Variants in CWF19L2 observed in about 807,000 individuals in gnomAD.
CWF19L2 encodes CWF19 like cell cycle control factor 2, also known as CWF19-like protein 2.
Under a neutral mutation model 111.7 loss-of-function variants are expected in CWF19L2, and 98 were observed. The ratio of observed to expected loss-of-function variants is 0.88; its 90% CI spans 0.75 to 1.04. The LOEUF (loss-of-function observed/expected upper bound fraction) is 1.04. CWF19L2 is among the 50% of genes least tolerant of loss of function. The probability of loss-of-function intolerance (pLI) is 0.00; values close to 1 mark genes in which losing one functional copy is unlikely to be tolerated. For missense variants in CWF19L2, 1,101 were observed against 1,051.4 expected, an observed-to-expected ratio of 1.05 and a Z score of -0.65; for synonymous variants, 351 against 342.9, an observed-to-expected ratio of 1.02 and a Z score of -0.26.
chr11:107,333,402 T>C (rs1859878273), intron 16 of CWF19L2, among the ~76,000 whole-genome samples: 1 of 152,212 alleles, frequency 6.6e-6, no homozygotes, highest in African/African-American at 2.4e-5. Flanking sequence ...ATACACAGTA[T>C]AGAAAACGGG....
intron 13 of CWF19L2, 97 bp from the exon 14 acceptor site, chr11:107,349,150 C>T: frequency 4.4e-6 from 2 of 456,818 alleles, no homozygotes; most frequent in Non-Finnish European, 7.6e-6. Flanking sequence ...AACAGATGAG[C>T]CCCTAGTAGA....
In CWF19L2 at chr11:107,423,691, G is replaced by A. The variant is rs1055547782; in HGVS notation, c.1433+5108C>T. Among the ~76,000 whole-genome samples the A allele has an allele frequency of 2.6e-5, 4 of 151,836 alleles. No individual in the cohort carries two copies. In the Admixed American group the frequency reaches 2.6e-4, roughly 10 times the overall value. ...TACAATCCTTTCTGTTATTCCAATAGATGCTTACTATAAACCAGATGTAGA... is the reference window on the plus strand; with the variant it reads ...TACAATCCTTTCTGTTATTCCAATAAATGCTTACTATAAACCAGATGTAGA... On this transcript the variant is annotated intron_variant, in intron 8 of 17. Coordinates refer to ENST00000282251, the MANE Select transcript of CWF19L2 (RefSeq NM_152434.3).
intron 13 of CWF19L2, among the ~76,000 whole-genome samples, chr11:107,350,557 C>A (rs1481724395): frequency 6.6e-6 from 1 of 152,130 alleles, no homozygotes; most frequent in East Asian, 1.9e-4. Context: ...AATCTGCTAG[C>A]ACCGATCTTG....
intron 14 of CWF19L2, chr11:107,345,595 T>A: frequency 2.7e-6 from 1 of 368,194 alleles, no homozygotes; most frequent in Non-Finnish European, 5.3e-6. Context: ...TTATAAAATA[T>A]ATAAACCTCA....
chr11:107,330,321 A>G (rs1431838064), intron 16 of CWF19L2, among the ~76,000 whole-genome samples: 1 of 152,166 alleles, frequency 6.6e-6, no homozygotes, highest in Non-Finnish European at 1.5e-5. Context: ...ATACAAATGC[A>G]AAGAATAATT....
At chr11:107,355,670 A>G (rs971503325) in intron 12 of CWF19L2, among the ~76,000 whole-genome samples, 15 of 152,180 alleles carry the variant, frequency 9.9e-5, no homozygotes, top group African/African-American at 3.6e-4. Context: ...AGTTGAAAAG[A>G]AAAATTTTAA....
At position 107,428,823 on chromosome 11, in the gene CWF19L2, C is replaced by T. The variant is rs576679420; in HGVS notation, c.1409G>A (p.Arg470Gln). 1.9e-5 allele frequency: 31 copies of T among 1,611,458 alleles called. 1 individual carries two copies. In the South Asian group the frequency reaches 2.5e-4, roughly 13 times the overall value. The change falls in exon 8 of 18, where the codon CGG becomes CAG. Residue 470 changes from arginine to glutamine, a missense_variant. Arg to Gln is a conservative substitution (Grantham distance 43, BLOSUM62 1). Transcript: ENST00000282251. ...RDDPPKKEHLRDTKSTFAGSP... is the reference protein window; with the variant it reads ...RDDPPKKEHLQDTKSTFAGSP... ...CCCAGCAAATGTAGACTTTGTATCC[C>T]GTAGATGTTCTTTTTTTGGAGGGTC...
At chr11:107,389,689 C>G (rs1264757047) in intron 12 of CWF19L2, among the ~76,000 whole-genome samples, 4 of 152,160 alleles carry the variant, frequency 2.6e-5, no homozygotes, top group Admixed American at 2.6e-4. Flanking sequence ...ATATTTTCTT[C>G]TACCTCTTCA....
intron 4 of CWF19L2, 42 bp downstream of exon 4, chr11:107,442,897 G>GAAGAAAGC: frequency 8.0e-7 from 1 of 1,249,534 alleles, no homozygotes; most frequent in South Asian, 1.3e-5. Context: ...AGGAAGGAAG[G>GAAGAAAGC]AAGGAAGAAA....
Position 107,428,943 on chromosome 11 carries a change from T to C in CWF19L2, c.1289A>G (p.His430Arg). The C allele has an allele frequency of 6.2e-7, 1 of 1,613,798 alleles. No homozygotes were observed. Among genetic ancestry groups the C allele is most frequent in the East Asian group, 2.2e-5 (1 of 44,856 alleles). Residue 430 changes from histidine to arginine, a missense_variant, in exon 8 of 18, where the codon CAT (histidine) becomes CGT (arginine). His to Arg is a conservative substitution (Grantham distance 29). Coordinates refer to ENST00000282251, the MANE Select transcript of CWF19L2 (RefSeq NM_152434.3). ...SRSDGRGDKK[H>R]SNQKPSETST... is the part of the protein sequence containing the mutation. Reference sequence around the variant, plus strand: ...GGTTTCCGATGGCTTTTGATTTGAATGTTTCTTGTCTCCTCTCCCATCAGA... The same window carrying C: ...GGTTTCCGATGGCTTTTGATTTGAACGTTTCTTGTCTCCTCTCCCATCAGA...
At position 107,380,916 on chromosome 11, in the gene CWF19L2, T is replaced by TTTTGAA. The variant is rs1463597918; in HGVS notation, c.1872+9157_1872+9158insTTCAAA. Among the ~76,000 whole-genome samples the TTTTGAA allele has an allele frequency of 4.4e-4, 67 of 152,304 alleles. 1 individual carries two copies. The highest frequency in any genetic ancestry group is 1.6e-3 in the African/African-American group (66 of 41,572). ...CAATGAAATTCTGAAACATGCTAAA[T>TTTTGAA]ACTTGCAAAACTTGAAAACATTATG... is the stretch of plus-strand genomic sequence containing the variant. On this transcript the variant is annotated intron_variant, in intron 12 of 17. Transcript: ENST00000282251.
chr11:107,341,484 A>G (rs1222112374), intron 14 of CWF19L2, among the ~76,000 whole-genome samples: 1 of 152,078 alleles, frequency 6.6e-6, no homozygotes, highest in African/African-American at 2.4e-5. Flanking sequence ...GCCAAACTCT[A>G]TTTGCTAATA....
At position 107,353,708 on chromosome 11, in the gene CWF19L2, T is replaced by G; in HGVS notation, c.1901A>C (p.Tyr634Ser). ...KFMGKTDGDY[Y>S]TLDDMFVSKA... Reference sequence around the variant, plus strand: ...GGAGACAAACATGTCATCCAGGGTGTAATAGTCTCCATCTGTTTTTCCCAT... The same window carrying G: ...GGAGACAAACATGTCATCCAGGGTGGAATAGTCTCCATCTGTTTTTCCCAT... The change falls in exon 13 of 18, where the codon TAC (tyrosine) becomes TCC (serine). Residue 634 changes from tyrosine to serine, a missense_variant. By Grantham distance (144) the Tyr-to-Ser change is moderately radical. Transcript: ENST00000282251. 5.0e-6 allele frequency: 8 copies of G among 1,613,758 alleles called. No homozygotes were observed. The highest frequency in any genetic ancestry group is 5.9e-6 in the Non-Finnish European group (7 of 1,179,732).
chr11:107,380,760 T>G (rs1860673629), intron 12 of CWF19L2, among the ~76,000 whole-genome samples: 1 of 152,142 alleles, frequency 6.6e-6, no homozygotes, highest in African/African-American at 2.4e-5. Context: ...AGCAGAGACT[T>G]GCACACCAAT....
intron 10 of CWF19L2, among the ~76,000 whole-genome samples, chr11:107,395,126 G>C (rs573453280): frequency 3.3e-5 from 5 of 152,290 alleles, no homozygotes; most frequent in African/African-American, 9.6e-5. Flanking sequence ...GAGGGACCCG[G>C]TGGGAGATGA....
rs117914761 is a variant in CWF19L2 at position 107,408,285 on chromosome 11, A to G, written c.1617+7924T>C. Among the ~76,000 whole-genome samples the G allele has an allele frequency of 3.7e-3, 562 of 152,158 alleles. 4 individuals are homozygous for G. The highest frequency in any genetic ancestry group is 0.016 in the South Asian group (75 of 4,826). On this transcript the variant is annotated intron_variant, in intron 10 of 17. Transcript: ENST00000282251. ...CTGAATTAAGATCTCAAGGATATAC[A>G]GAAGGTAACTACATGAAAAATACTC...
chr11:107,429,160 C>G lies in CWF19L2; in HGVS notation c.1072G>C (p.Glu358Gln). 2 of 1,613,768 alleles carry G rather than the reference C, an allele frequency of 1.2e-6. No individual in the cohort carries two copies. The highest frequency in any genetic ancestry group is 1.7e-6 in the Non-Finnish European group (2 of 1,179,792). Residue 358 changes from glutamate to glutamine, a missense_variant, in exon 8 of 18, where the codon GAG becomes CAG. Physicochemically the swap from Glu to Gln is conservative, Grantham distance 29. Coordinates refer to ENST00000282251, the MANE Select transcript of CWF19L2 (RefSeq NM_152434.3). Reference protein sequence around the residue: ...RRESNPRQNQEFSFGNLRAKF... With the variant: ...RRESNPRQNQQFSFGNLRAKF... ...GCTCTCAAATTGCCAAAAGAAAACTCTTGATTTTGCCTTGGGTTAGATTCT... is the reference window on the plus strand; with the variant it reads ...GCTCTCAAATTGCCAAAAGAAAACTGTTGATTTTGCCTTGGGTTAGATTCT...
chr11:107,336,523 A>C, intron 15 of CWF19L2, 35 bp downstream of exon 15: 1 of 1,524,610 alleles, frequency 6.6e-7, no homozygotes, highest in Non-Finnish European at 8.9e-7. Context: ...CTATAGCAAA[A>C]AATAAGTGTA....
At chr11:107,412,863 T>C (rs1420729087) in intron 10 of CWF19L2, among the ~76,000 whole-genome samples, 1 of 152,182 alleles carries the variant, frequency 6.6e-6, no homozygotes, top group Non-Finnish European at 1.5e-5. Context: ...AAATACATAT[T>C]AGAAGCCAAC....
Sources: allele counts gnomAD v4.1 joint callset (sites outside exome capture counted in the v4.1 genomes callset), GRCh38; gene constraint gnomAD v4.1.1; transcripts MANE v1.5; gene names NCBI Gene and HGNC (gene_info 2026-07-23, HGNC 2026-07-21).